The following TSBP1 variants were observed in gnomAD, a reference collection of about 807,000 sequenced individuals.
The protein encoded by TSBP1 is testis expressed basic protein 1, also known as testis-expressed basic protein 1.
In TSBP1, 56 loss-of-function variants were observed where a neutral mutation model predicts 68.8. That is an observed-to-expected ratio of 0.81 (90% CI 0.66 to 1.02). The LOEUF (loss-of-function observed/expected upper bound fraction) is 1.02, where lower values mean the gene tolerates loss of function less well. TSBP1 is among the 50% of genes least tolerant of loss of function. The pLI is 0.00. For synonymous variants in TSBP1, 171 were observed against 208.7 expected, an observed-to-expected ratio of 0.82 and a Z score of 1.56; for missense variants, 502 against 641.2, an observed-to-expected ratio of 0.78 and a Z score of 2.34.
intron 16 of TSBP1, chr6:32,326,118 C>G: frequency 1.4e-6 from 2 of 1,404,664 alleles, no homozygotes; most frequent in Non-Finnish European, 2.0e-6. Context: ...AACCATGAAA[C>G]CAAAGTGGCT....
At chr6:32,294,377 T>C (rs1764486882) in intron 22 of TSBP1, among the ~76,000 whole-genome samples, 1 of 152,030 alleles carries the variant, frequency 6.6e-6, no homozygotes, top group Non-Finnish European at 1.5e-5. Context: ...TAAGGAAAAA[T>C]TGTGGGAGGA....
intron 4 of TSBP1, 43 bp from the exon 5 acceptor site, chr6:32,366,345 A>G: frequency 6.5e-7 from 1 of 1,530,054 alleles, no homozygotes; most frequent in Non-Finnish European, 9.0e-7. Flanking sequence ...TACTTCAACA[A>G]GTGAGTCTAT....
chr6:32,356,809 T>C (rs1316873235), intron 6 of TSBP1: 1 of 154,378 alleles, frequency 6.5e-6, no homozygotes, highest in Non-Finnish European at 1.5e-5. Flanking sequence ...CATTTTAATA[T>C]GCTGCACTTG....
At chr6:32,297,530 T>C (rs1764834515) in intron 22 of TSBP1, among the ~76,000 whole-genome samples, 1 of 152,162 alleles carries the variant, frequency 6.6e-6, no homozygotes, top group Non-Finnish European at 1.5e-5. Flanking sequence ...AATCCAGTGG[T>C]TGTCAGGGAG....
intron 16 of TSBP1, among the ~76,000 whole-genome samples, chr6:32,329,308 CTG>C (rs1381587819): frequency 6.6e-6 from 1 of 152,112 alleles, no homozygotes; most frequent in Non-Finnish European, 1.5e-5. Flanking sequence ...TATTAGGGAA[CTG>C]TGGACCAGAT....
intron 20 of TSBP1, among the ~76,000 whole-genome samples, chr6:32,301,958 A>AAATAAT (rs563966984): frequency 0.21 from 26,802 of 127,168 alleles, 2,952 homozygotes; most frequent in Admixed American, 0.26. Context: ...TAAATAGTTG[A>AAATAAT]AATCATCATC....
chr6:32,317,429 A>G (rs1767080641), intron 18 of TSBP1, among the ~76,000 whole-genome samples: 1 of 152,218 alleles, frequency 6.6e-6, no homozygotes, highest in Admixed American at 6.5e-5. Flanking sequence ...CAACAAAAGC[A>G]ACTGTAACAA....
At chr6:32,298,502 C>G (rs549953092) in intron 22 of TSBP1, among the ~76,000 whole-genome samples, 1 of 152,304 alleles carries the variant, frequency 6.6e-6, no homozygotes, top group South Asian at 2.1e-4. Flanking sequence ...TCACTTGAAC[C>G]CGTGAGGCAG....
intron 9 of TSBP1, among the ~76,000 whole-genome samples, chr6:32,347,868 TG>T (rs1211288086): frequency 9.2e-5 from 14 of 152,214 alleles, no homozygotes; most frequent in Non-Finnish European, 4.4e-5. Flanking sequence ...GATCCTCCTG[TG>T]GCTGCCAGCT....
In TSBP1 at chr6:32,302,731, A is replaced by G; in HGVS notation, c.581-102T>C. The G allele has an allele frequency of 4.0e-6, 3 of 755,306 alleles. No individual in the cohort carries two copies. The highest frequency in any genetic ancestry group is 6.7e-6 in the Non-Finnish European group (3 of 451,122). The allele number at this position is 755,306 out of a possible 1,614,324, so 46.8% of individuals were successfully genotyped here. A position where few individuals can be genotyped will look rare whatever the true frequency, so the allele number is the denominator to read the frequency against. ...CCCTAGTTGTTTTTTCTAGGGTACCATAAAGACTTCTAGCAGAATACAATG... is the reference window on the plus strand; with the variant it reads ...CCCTAGTTGTTTTTTCTAGGGTACCGTAAAGACTTCTAGCAGAATACAATG... On this transcript the variant is annotated intron_variant, in intron 19 of 22. Coordinates refer to ENST00000612031, the Ensembl canonical transcript of TSBP1. The surrounding 1 kb of genome is among the most constrained non-coding windows in gnomAD (Gnocchi z 5.1).
chr6:32,336,681 T>A lies in TSBP1; in HGVS notation c.410-46A>T, dbSNP rs1308602874. 1 of 1,577,070 alleles carries A rather than the reference T, an allele frequency of 6.3e-7. No individual in the cohort carries two copies. The highest frequency in any genetic ancestry group is 2.2e-5 in the East Asian group (1 of 44,616). ...AAGTGTGGTTTGACATTAATAGAAT[T>A]TTCATTTTACCAGTATTGTTTCTAA... On this transcript the variant is annotated intron_variant, in intron 11 of 22. Transcript: ENST00000612031. This position sits in a 1 kb window ranked among gnomAD's most constrained non-coding sequence, Gnocchi z 5.2.
chr6:32,310,761 A>ATATATATATATATATATATATATATTTT, intron 19 of TSBP1, among the ~76,000 whole-genome samples: 1 of 144,834 alleles, frequency 6.9e-6, no homozygotes, highest in South Asian at 2.2e-4. Context: ...ATATATATAT[A>ATATATATATATATATATATATATATTTT]TTTTTAATCT....
At chr6:32,307,059 T>G (rs1469193295) in intron 19 of TSBP1, among the ~76,000 whole-genome samples, 2 of 152,164 alleles carry the variant, frequency 1.3e-5, no homozygotes, top group Non-Finnish European at 2.9e-5. Context: ...ACTTTTCATT[T>G]CATTAATTTT....
chr6:32,320,301 C>G (rs1490208262), intron 18 of TSBP1: 1 of 446,048 alleles, frequency 2.2e-6, no homozygotes, highest in African/African-American at 2.0e-5. Flanking sequence ...GCTCTGCACC[C>G]TGGACAGATC....
chr6:32,313,310 A>G (rs527541993), intron 19 of TSBP1, among the ~76,000 whole-genome samples: 1 of 152,278 alleles, frequency 6.6e-6, no homozygotes, highest in East Asian at 1.9e-4. Context: ...CTCAACATAT[A>G]AACTCCTTAA....
In TSBP1 at chr6:32,325,436, T is replaced by A; in HGVS notation, c.515-1822A>T. On this transcript the variant is annotated intron_variant, in intron 16 of 22. Coordinates refer to ENST00000612031, the Ensembl canonical transcript of TSBP1. This position sits in a 1 kb window ranked among gnomAD's most constrained non-coding sequence, Gnocchi z 4.4. ...TGGAGGAGGTGGATGCAGCCGTGAA[T>A]GCAAGGCCACACAAGGTGGATGGAA... The A allele has an allele frequency of 1.1e-6, 1 of 922,172 alleles. No homozygotes were observed. The highest frequency in any genetic ancestry group is 1.8e-6 in the Non-Finnish European group (1 of 565,180). 57.1% of individuals were successfully genotyped at this position (922,172 alleles called of 1,614,324 possible). A position where few individuals can be genotyped will look rare whatever the true frequency, so the allele number is the denominator to read the frequency against.
chr6:32,324,710 C>T, intron 16 of TSBP1: 1 of 1,550,316 alleles, frequency 6.5e-7, no homozygotes, highest in Non-Finnish European at 8.7e-7. Flanking sequence ...CTTTTTGTTA[C>T]CCCTTTCTTG....
rs9279582 is a variant in TSBP1, at chr6:32,330,635, AACACACACACACACACACAC to A, written c.494-46_494-27del. The A allele has an allele frequency of 3.5e-5, 40 of 1,134,622 alleles. 1 individual carries two copies. Among genetic ancestry groups the A allele is most frequent in the African/African-American group, 2.6e-4 (15 of 57,928 alleles). The allele number at this position is 1,134,622 out of a possible 1,614,324, so 70.3% of individuals were successfully genotyped here. A position where few individuals can be genotyped will look rare whatever the true frequency, so the allele number is the denominator to read the frequency against. On this transcript the variant is annotated intron_variant, in intron 15 of 22. Transcript: ENST00000612031. ...CTAAAAAATAGAAACAAACAAATTA[AACACACACACACACACACAC>A]ACACACACACACACACACACTTCTA...
intron 18 of TSBP1, among the ~76,000 whole-genome samples, chr6:32,317,985 A>G (rs1248035222): frequency 6.6e-6 from 1 of 152,206 alleles, no homozygotes; most frequent in African/African-American, 2.4e-5. Flanking sequence ...AAATTGTTCT[A>G]TCATAAAGAA....
Sources: allele counts gnomAD v4.1 joint callset (sites outside exome capture counted in the v4.1 genomes callset), GRCh38; gene constraint gnomAD v4.1.1; non-coding constraint Gnocchi (gnomAD v3.1); transcripts MANE v1.5; gene names NCBI Gene and HGNC (gene_info 2026-07-23, HGNC 2026-07-21).